Variants in ZNF311 observed in about 807,000 individuals in gnomAD.
ZNF311 encodes the protein zinc finger protein 311.
Under a neutral mutation model 22.7 loss-of-function variants are expected in ZNF311, and 14 were observed. That is an observed-to-expected ratio of 0.62 (90% CI 0.41 to 0.96). The LOEUF (loss-of-function observed/expected upper bound fraction) is 0.96. Among genes scored for constraint, ZNF311 ranks in the 40% least tolerant of loss-of-function variants. The probability of loss-of-function intolerance (pLI) is 0.00; values close to 1 mark genes in which losing one functional copy is unlikely to be tolerated. For synonymous variants in ZNF311, 250 were observed against 275.3 expected (o/e 0.91, Z 0.91); for missense variants, 731 against 799.0 (o/e 0.91, Z 1.03).
chr6:28,994,868 A>T lies in ZNF311; in HGVS notation c.*133T>A. 1 of 1,019,382 alleles carries T rather than the reference A, an allele frequency of 9.8e-7. No individual in the cohort carries two copies. The highest frequency in any genetic ancestry group is 3.0e-5 in the Admixed American group (1 of 33,772). 63.1% of individuals were successfully genotyped at this position (1,019,382 alleles called of 1,614,324 possible). A position where few individuals can be genotyped will look rare whatever the true frequency, so the allele number is the denominator to read the frequency against. On this transcript the variant is annotated 3_prime_UTR_variant, in exon 7 of 7. Coordinates refer to ENST00000377179, the MANE Select transcript of ZNF311 (RefSeq NM_001382360.1). ...TGTGCTCACTGAAAAAATAGTGAAT[A>T]AGAAGGTAAAGGACAATGTCTTTGG...
rs1562322155 is a variant in ZNF311, at chr6:28,996,218, G to C, written c.784C>G (p.Leu262Val). The change falls in exon 7 of 7, where the codon CTA (leucine) becomes GTA (valine). Residue 262 changes from leucine to valine, a missense_variant. Transcript: ENST00000377179. ...GAATGAATTTGCTCATGGAGAATTAGATCTGAGTGCCAACTGAAGTTTTTG... is the reference window on the plus strand; with the variant it reads ...GAATGAATTTGCTCATGGAGAATTACATCTGAGTGCCAACTGAAGTTTTTG... ...CGKNFSWHSD[L>V]ILHEQIHSGE... is the part of the protein sequence containing the mutation. 6.2e-7 allele frequency: 1 copy of C among 1,613,382 alleles called. No homozygotes were observed. The highest frequency in any genetic ancestry group is 1.7e-5 in the Admixed American group (1 of 60,020).
chr6:28,995,321 C>T lies in ZNF311; in HGVS notation c.1681G>A (p.Gly561Arg), dbSNP rs1779325475. The T allele has an allele frequency of 6.2e-7, 1 of 1,613,886 alleles. No homozygotes were observed. The highest frequency in any genetic ancestry group is 8.5e-7 in the Non-Finnish European group (1 of 1,180,050). ...GEKPHKCEVCGMAFHHSSVLR... is the reference protein window; with the variant it reads ...GEKPHKCEVCRMAFHHSSVLR... ...ACTGAACTATGATGGAAGGCCATTC[C>T]ACATACCTCACATTTGTGAGGCTTC... The change falls in exon 7 of 7, where the codon GGA (glycine) becomes AGA (arginine). Residue 561 changes from glycine to arginine, a missense_variant. Transcript: ENST00000377179. This position sits in a 1 kb window ranked among gnomAD's most constrained non-coding sequence, Gnocchi z 4.7.
chr6:29,003,443 C>G, intron 3 of ZNF311, 70 bp downstream of exon 3: 2 of 1,462,896 alleles, frequency 1.4e-6, no homozygotes, highest in Non-Finnish European at 1.9e-6. Context: ...GTGGCATTTT[C>G]CACCCACTCT....
Position 28,996,059 on chromosome 6 carries a change from T to C in ZNF311, c.943A>G (p.Arg315Gly). ...TTTTTATGTCGGCAAAGAGCTGATCTACTGTTGAAAGCCTTCCCACACTGG... is the reference window on the plus strand; with the variant it reads ...TTTTTATGTCGGCAAAGAGCTGATCCACTGTTGAAAGCCTTCCCACACTGG... ...CTQCGKAFNS[R>G]SALCRHKKTH... is the part of the protein sequence containing the mutation. Residue 315 changes from arginine to glycine, a missense_variant, in exon 7 of 7, where the codon AGA becomes GGA. Physicochemically the swap from Arg to Gly is moderately radical, Grantham distance 125. Coordinates refer to ENST00000377179, the MANE Select transcript of ZNF311 (RefSeq NM_001382360.1). 6.2e-7 allele frequency: 1 copy of C among 1,613,426 alleles called. No individual in the cohort carries two copies. The highest frequency in any genetic ancestry group is 8.5e-7 in the Non-Finnish European group (1 of 1,180,046).
chr6:28,996,135 C>G lies in ZNF311; in HGVS notation c.867G>C (p.Gln289His). 6.2e-7 allele frequency: 1 copy of G among 1,613,380 alleles called. No individual in the cohort carries two copies. The highest frequency in any genetic ancestry group is 1.1e-5 in the South Asian group (1 of 91,064). The change falls in exon 7 of 7, where the codon CAG becomes CAC. Residue 289 changes from glutamine to histidine, a missense_variant. Transcript: ENST00000377179. Reference protein sequence around the residue: ...ECGKAFKTRNQLSMHRIIHTG... With the variant: ...ECGKAFKTRNHLSMHRIIHTG... ...TGTGGATTATCCGGTGCATAGAAAG[C>G]TGATTTCTGGTCTTGAATGCTTTCC...
At chr6:28,999,384 A>G in intron 5 of ZNF311, 103 bp downstream of exon 5, 2 of 1,146,062 alleles carry the variant, frequency 1.7e-6, no homozygotes, top group Non-Finnish European at 2.3e-6. Context: ...ATGATAAAGA[A>G]TAAGGACTCT....
rs1218370397 is a variant in ZNF311 at position 28,995,761 on chromosome 6, G to A, written c.1241C>T (p.Pro414Leu). Residue 414 changes from proline (P) to leucine (L), a missense_variant, in exon 7 of 7, where the codon CCT (proline) becomes CTT (leucine). Transcript: ENST00000377179. This position sits in a 1 kb window ranked among gnomAD's most constrained non-coding sequence, Gnocchi z 4.7. ...KHIRIHTGERPYECSKCGRAF... is the reference protein window; with the variant it reads ...KHIRIHTGERLYECSKCGRAF... Reference sequence around the variant, plus strand: ...CCTTCCACACTTGCTGCACTCATAAGGTCGTTCCCCAGTGTGGATTCTTAT... The same window carrying A: ...CCTTCCACACTTGCTGCACTCATAAAGTCGTTCCCCAGTGTGGATTCTTAT... 1.2e-6 allele frequency: 2 copies of A among 1,613,804 alleles called. No individual in the cohort carries two copies. The highest frequency in any genetic ancestry group is 1.7e-6 in the Non-Finnish European group (2 of 1,180,040).
intron 3 of ZNF311, among the ~76,000 whole-genome samples, chr6:29,002,256 C>G (rs1325150271): frequency 6.6e-6 from 1 of 152,036 alleles, no homozygotes; most frequent in Non-Finnish European, 1.5e-5. Flanking sequence ...AATTTCTGAC[C>G]CTGAAAATCC....
Position 29,004,233 on chromosome 6 carries a change from G to C in ZNF311, c.-260-19C>G. The stretch of plus-strand genomic sequence containing the variant: ...TGTTTCCCTGCATATTTGGTGAAGG[G>C]AAAAGAGGAATGTGACCACAGGAAA... On this transcript the variant is annotated intron_variant, in intron 1 of 6. Transcript: ENST00000377179. The C allele has an allele frequency of 7.2e-7, 1 of 1,381,266 alleles. No homozygotes were observed. Among genetic ancestry groups the C allele is most frequent in the Non-Finnish European group, 9.3e-7 (1 of 1,070,152 alleles). 85.6% of individuals were successfully genotyped at this position (1,381,266 alleles called of 1,614,324 possible).
intron 1 of ZNF311, 24 bp from the exon 2 acceptor site, chr6:29,004,238 G>C (rs1780859140): frequency 7.3e-7 from 1 of 1,374,372 alleles, no homozygotes; most frequent in Non-Finnish European, 9.4e-7. Context: ...GAAGGGAAAA[G>C]AGGAATGTGA....
chr6:28,999,961 C>A lies in ZNF311; in HGVS notation c.178G>T (p.Ala60Ser). Reference protein sequence around the residue: ...PQADITLMSQAQESVTFEDVA... With the variant: ...PQADITLMSQSQESVTFEDVA... ...GGAAAGGGGCCTCAGCTCACTTGGG[C>A]CTGGCTCATTAGTGTGATATCTGCT... Residue 60 changes from alanine (A) to serine (S), a missense_variant, in exon 4 of 7, where the codon GCC becomes TCC. Physicochemically the swap from Ala to Ser is moderately conservative, Grantham distance 99. Coordinates refer to ENST00000377179, the MANE Select transcript of ZNF311 (RefSeq NM_001382360.1). 6.2e-7 allele frequency: 1 copy of A among 1,612,838 alleles called. No homozygotes were observed. The highest frequency in any genetic ancestry group is 8.5e-7 in the Non-Finnish European group (1 of 1,179,640).
rs1780814828 is a variant in ZNF311 at position 29,003,962 on chromosome 6, C to G, written c.-8G>C. The G allele has an allele frequency of 1.2e-6, 2 of 1,612,812 alleles. No individual in the cohort carries two copies. Among genetic ancestry groups the G allele is most frequent in the Admixed American group, 1.7e-5 (1 of 59,992 alleles). On this transcript the variant is annotated 5_prime_UTR_variant, in exon 2 of 7. Transcript: ENST00000377179. Reference sequence around the variant, plus strand: ...TCTTCTTACCTCCTGCATCTTTTTACTCAGGTTTCTTTAACAGTCTTCCAC... The same window carrying G: ...TCTTCTTACCTCCTGCATCTTTTTAGTCAGGTTTCTTTAACAGTCTTCCAC...
At position 28,996,006 on chromosome 6, in the gene ZNF311, C is replaced by A; in HGVS notation, c.996G>T (p.Glu332Asp). The A allele has an allele frequency of 6.2e-7, 1 of 1,613,490 alleles. No individual in the cohort carries two copies. The highest frequency in any genetic ancestry group is 8.5e-7 in the Non-Finnish European group (1 of 1,179,994). Residue 332 changes from glutamate (E) to aspartate (D), a missense_variant, in exon 7 of 7, where the codon GAG (glutamate) becomes GAT (aspartate). Coordinates refer to ENST00000377179, the MANE Select transcript of ZNF311 (RefSeq NM_001382360.1). ...KKTHSGEKPH[E>D]CRDCGKAFKT... ...TGAAGGCCTTCCCACAGTCCCTGCA[C>A]TCGTGAGGCTTCTCCCCACTGTGGG...
intron 6 of ZNF311, among the ~76,000 whole-genome samples, chr6:28,997,070 T>G (rs2269555): frequency 6.6e-6 from 1 of 151,974 alleles, no homozygotes; most frequent in Non-Finnish European, 1.5e-5. Context: ...ATTAGATCTG[T>G]GCAATACCTG....
intron 3 of ZNF311, among the ~76,000 whole-genome samples, chr6:29,001,316 T>C (rs1186417766): frequency 6.6e-6 from 1 of 152,182 alleles, no homozygotes; most frequent in Non-Finnish European, 1.5e-5. Context: ...TATCATTCCA[T>C]TTTTACGAAA....
chr6:29,004,319 G>C, intron 1 of ZNF311, 105 bp from the exon 2 acceptor site: 1 of 719,794 alleles, frequency 1.4e-6, no homozygotes. Flanking sequence ...AACATATCCA[G>C]AATACAATCT....
chr6:29,003,658 G>T, intron 2 of ZNF311, 64 bp from the exon 3 acceptor site: 1 of 1,564,312 alleles, frequency 6.4e-7, no homozygotes, highest in Non-Finnish European at 8.8e-7. Flanking sequence ...ATAGGAAGAT[G>T]CAAGCAACCA....
chr6:29,003,591 C>A lies in ZNF311; in HGVS notation c.13G>T (p.Val5Leu). The A allele has an allele frequency of 6.2e-7, 1 of 1,612,980 alleles. No individual in the cohort carries two copies. The highest frequency in any genetic ancestry group is 8.5e-7 in the Non-Finnish European group (1 of 1,180,018). ...GGTCCTGAACTCTCATCCAACAGCACAACCTATTGCAAGACACAGAATGAA... is the reference window on the plus strand; with the variant it reads ...GGTCCTGAACTCTCATCCAACAGCAAAACCTATTGCAAGACACAGAATGAA... MQEV[V>L]LLDESSGPPS... The change falls in exon 3 of 7, where the codon GTG (valine) becomes TTG (leucine). Residue 5 changes from valine (V) to leucine (L), a missense_variant. Physicochemically the swap from Val to Leu is conservative, Grantham distance 32. Transcript: ENST00000377179.
At chr6:29,004,735 C>G (rs1294126589) in intron 1 of ZNF311, among the ~76,000 whole-genome samples, 1 of 152,190 alleles carries the variant, frequency 6.6e-6, no homozygotes, top group African/African-American at 2.4e-5. Flanking sequence ...GAGCTGAAGT[C>G]TTAAGAGTGG....
Sources: gnomAD v4.1 joint callset for allele counts (sites outside exome capture counted in the v4.1 genomes callset) on GRCh38, gnomAD v4.1.1 for gene constraint, Gnocchi (gnomAD v3.1) non-coding constraint, MANE v1.5 for transcripts, NCBI Gene and HGNC (gene_info 2026-07-23, HGNC 2026-07-21) for gene names.